Variants in DMXL2 observed in about 807,000 individuals in gnomAD.
DMXL2 encodes dmX-like protein 2.
Under a neutral mutation model 331.1 loss-of-function variants are expected in DMXL2, and 103 were observed. The observed-to-expected ratio is 0.31, with a 90% CI of 0.27 to 0.37. The LOEUF (loss-of-function observed/expected upper bound fraction) is 0.37. Among genes scored for constraint, DMXL2 ranks in the 10% least tolerant of loss-of-function variants. DMXL2 has a pLI of 1.00. For missense variants in DMXL2, 3,171 were observed against 3,642.9 expected (o/e 0.87, Z 3.33); for synonymous variants, 1,281 against 1,252.1 (o/e 1.02, Z -0.49).
rs1029730548 is a variant in DMXL2 at position 51,465,011 on chromosome 15, T to C, written c.7607-135A>G. Reference sequence around the variant, plus strand: ...ATCTGCAAATGTTAATGTAATACAGTTTAGATTCTTAATGCTTTCAACAAA... The same window carrying C: ...ATCTGCAAATGTTAATGTAATACAGCTTAGATTCTTAATGCTTTCAACAAA... On this transcript the variant is annotated intron_variant, in intron 31 of 43. Transcript: ENST00000560891. 1.4e-5 allele frequency: 11 copies of C among 795,934 alleles called. No individual in the cohort carries two copies. The South Asian group carries it at 1.4e-4, about 10-fold the overall frequency. The allele number at this position is 795,934 out of a possible 1,614,324, so 49.3% of individuals were successfully genotyped here.
At chr15:51,597,938 T>C (rs2052944084) in intron 1 of DMXL2, among the ~76,000 whole-genome samples, 1 of 152,218 alleles carries the variant, frequency 6.6e-6, no homozygotes. Flanking sequence ...AGATTTTCTC[T>C]TGTGACGCAC....
chr15:51,537,481 A>G lies in DMXL2; in HGVS notation c.1617+7T>C, dbSNP rs905350244. The stretch of plus-strand genomic sequence containing the variant: ...AATGTAATAACTATTTCATCAATAA[A>G]ATATACCTGAACTTGTCTAAATATT... On this transcript the variant is annotated splice_region_variant and intron_variant, in intron 11 of 43. Coordinates refer to ENST00000560891, the MANE Select transcript of DMXL2 (RefSeq NM_001378457.1). 1.7e-5 allele frequency: 27 copies of G among 1,599,190 alleles called. No homozygotes were observed. The highest frequency in any genetic ancestry group is 2.3e-5 in the Non-Finnish European group (27 of 1,169,842).
chr15:51,619,701 T>C (rs1384187227), intron 1 of DMXL2, among the ~76,000 whole-genome samples: 3 of 152,204 alleles, frequency 2.0e-5, no homozygotes, highest in African/African-American at 7.2e-5. Context: ...AAAGTATGTA[T>C]TGTATTTTGA....
At chr15:51,571,581 T>C (rs950113217) in intron 2 of DMXL2, among the ~76,000 whole-genome samples, 19 of 152,038 alleles carry the variant, frequency 1.2e-4, no homozygotes, top group African/African-American at 4.6e-4. Context: ...TCATAACAAA[T>C]AGTCTCTCAG....
At chr15:51,619,767 G>C (rs2054513317) in intron 1 of DMXL2, among the ~76,000 whole-genome samples, 1 of 152,160 alleles carries the variant, frequency 6.6e-6, no homozygotes. Flanking sequence ...TGAGTTAGTT[G>C]CAAGACAGTA....
chr15:51,490,703 C>G (rs546023356), intron 20 of DMXL2, among the ~76,000 whole-genome samples: 20 of 152,156 alleles, frequency 1.3e-4, no homozygotes, highest in Non-Finnish European at 2.1e-4. Flanking sequence ...TGGCACCAAA[C>G]CTGGTAGAGA....
chr15:51,515,022 C>T (rs1186245654), intron 14 of DMXL2, among the ~76,000 whole-genome samples: 2 of 151,922 alleles, frequency 1.3e-5, no homozygotes, highest in African/African-American at 2.4e-5. Flanking sequence ...AAAACAAAAC[C>T]CAGAAAGCTC....
At chr15:51,568,593 A>G (rs2050447694) in intron 2 of DMXL2, 35 bp from the exon 3 acceptor site, 1 of 1,346,844 alleles carries the variant, frequency 7.4e-7, no homozygotes, top group South Asian at 1.3e-5. Flanking sequence ...AATATCTAGA[A>G]AAGGGTAAAA....
intron 29 of DMXL2, among the ~76,000 whole-genome samples, chr15:51,469,111 T>C (rs541625491): frequency 6.6e-6 from 1 of 152,270 alleles, no homozygotes; most frequent in Non-Finnish European, 1.5e-5. Context: ...GAAATGTGAA[T>C]ACTGTCTGAA....
At chr15:51,533,727 T>C (rs1221044932) in intron 13 of DMXL2, among the ~76,000 whole-genome samples, 3 of 152,180 alleles carry the variant, frequency 2.0e-5, no homozygotes, top group Admixed American at 6.5e-5. Context: ...GCAAAGTATA[T>C]GGCAAGCTGT....
chr15:51,543,646 A>G (rs2048726782), intron 8 of DMXL2, among the ~76,000 whole-genome samples: 2 of 152,234 alleles, frequency 1.3e-5, no homozygotes, highest in African/African-American at 4.8e-5. Flanking sequence ...ATACAATTAT[A>G]TAGAACTAAC....
rs1483007451 is a variant in DMXL2 at position 51,476,636 on chromosome 15, C to T, written c.6917G>A (p.Ser2306Asn). 4 of 1,611,884 alleles carry T rather than the reference C, an allele frequency of 2.5e-6. No individual in the cohort carries two copies. The highest frequency in any genetic ancestry group is 1.1e-5 in the South Asian group (1 of 90,604). The change falls in exon 27 of 44, where the codon AGC (serine) becomes AAC (asparagine). Residue 2306 changes from serine (S) to asparagine (N), a missense_variant. Around this residue, in one of 7 missense-constraint regions of DMXL2, gnomAD observed 766 missense variants for 940.5 expected, o/e 0.81. Coordinates refer to ENST00000560891, the MANE Select transcript of DMXL2 (RefSeq NM_001378457.1). The part of the protein sequence containing the change: ...LSDRRRLRTE[S>N]IEEHATPNSS... ...ATTTGGTGTTGCGTGTTCTTCAATG[C>T]TTTCTGTCCTTAGTCTTCTACGATC...
At chr15:51,564,345 C>G (rs1214903020) in intron 4 of DMXL2, 85 bp from the exon 5 acceptor site, 3 of 1,030,028 alleles carry the variant, frequency 2.9e-6, no homozygotes, top group Admixed American at 4.0e-5. Flanking sequence ...GATCTGTAAA[C>G]TATTAATATT....
intron 17 of DMXL2, among the ~76,000 whole-genome samples, chr15:51,502,306 T>TTGTGTA (rs1555422986): frequency 2.1e-4 from 30 of 140,628 alleles, no homozygotes; most frequent in African/African-American, 7.3e-4. Context: ...TTTTGTGGGT[T>TTGTGTA]TGTGTGTGTG....
intron 1 of DMXL2, among the ~76,000 whole-genome samples, chr15:51,600,627 A>G (rs751127285): frequency 2.6e-5 from 4 of 152,128 alleles, no homozygotes; most frequent in Non-Finnish European, 5.9e-5. Context: ...TTGTTTTACC[A>G]TCTCCTCTGT....
intron 26 of DMXL2, 82 bp downstream of exon 26, chr15:51,478,189 T>C (rs982742062): frequency 2.6e-6 from 3 of 1,151,678 alleles, no homozygotes; most frequent in Non-Finnish European, 2.5e-6. Context: ...TTTCAGTCCC[T>C]AGGAAATAGA....
Position 51,480,755 on chromosome 15 carries a change from G to C in DMXL2, c.6351C>G (p.Asp2117Glu), listed in dbSNP as rs759266472. The C allele has an allele frequency of 1.5e-5, 24 of 1,600,808 alleles. 1 individual carries two copies. Among genetic ancestry groups the C allele is most frequent in the Non-Finnish European group, 2.0e-5 (23 of 1,170,916 alleles). ...GCTCATAGGAACCAATATCTGGTTT[G>C]TCTACCATTTCTTCCTGATCCAGCA... is the stretch of plus-strand genomic sequence containing the variant. ...SDLLDQEEMV[D>E]KPDIGSYERH... The change falls in exon 24 of 44, where the codon GAC becomes GAG. Residue 2117 changes from aspartate (D) to glutamate (E), a missense_variant. By Grantham distance (45) the Asp-to-Glu change is conservative (BLOSUM62 2). Around this residue, in one of 7 missense-constraint regions of DMXL2, gnomAD observed 197 missense variants for 196.2 expected, o/e 1.00. Transcript: ENST00000560891.
At chr15:51,457,726 T>C (rs565229178) in intron 36 of DMXL2, 30 of 369,330 alleles carry the variant, frequency 8.1e-5, no homozygotes, top group African/African-American at 6.1e-4. Context: ...TTTGTTGTTA[T>C]CTATGGAAAA....
rs73399577 is a variant in DMXL2, at chr15:51,516,321, G to T, written c.2526+757C>A. ...GGTTCTCCTTCTTTCCTAGGTAGTA[G>T]CTGGGGAGGAATACTACACAAAGGA... is the stretch of plus-strand genomic sequence containing the variant. On this transcript the variant is annotated intron_variant, in intron 14 of 43. Transcript: ENST00000560891. 1.6e-3 allele frequency among the ~76,000 whole-genome samples: 241 copies of T among 152,264 alleles called. 1 individual carries two copies. The highest frequency in any genetic ancestry group is 4.9e-3 in the African/African-American group (202 of 41,556).
Sources: gnomAD v4.1 joint callset for allele counts (sites outside exome capture counted in the v4.1 genomes callset) on GRCh38, gnomAD v4.1.1 for gene constraint, gnomAD v4.1.1 regional missense constraint, MANE v1.5 for transcripts, NCBI Gene and HGNC (gene_info 2026-07-23, HGNC 2026-07-21) for gene names.